Variants in DOP1B observed in about 807,000 individuals in gnomAD.
DOP1B encodes the protein DOP1 leucine zipper like protein B.
A neutral mutation model predicts 233.5 loss-of-function variants in DOP1B; 174 were observed. That is an observed-to-expected ratio of 0.75 (90% CI 0.66 to 0.85). The LOEUF is 0.85. Among genes scored for constraint, DOP1B ranks in the 40% least tolerant of loss-of-function variants. DOP1B has a pLI of 0.00. For synonymous variants in DOP1B, 1,190 were observed against 1,185.6 expected (o/e 1.00, Z -0.08); for missense variants, 2,652 against 2,846.6 (o/e 0.93, Z 1.56).
In DOP1B at chr21:36,230,841, C is replaced by G. The variant is rs755319553; in HGVS notation, c.2057C>G (p.Pro686Arg). 1 of 1,614,086 alleles carries G rather than the reference C, an allele frequency of 6.2e-7. No individual in the cohort carries two copies. Among genetic ancestry groups the G allele is most frequent in the South Asian group, 1.1e-5 (1 of 91,080 alleles). ...AGGAAGAACTCTTGGGAGCCCAAGC[C>G]CATCACTGTGCCTCAGTTCAAGCAG... ...SSRKNSWEPK[P>R]ITVPQFKQML... Residue 686 changes from proline to arginine, a missense_variant, in exon 14 of 37, where the codon CCC (proline) becomes CGC (arginine). Physicochemically the swap from Pro to Arg is moderately radical, Grantham distance 103. Around this residue, in one of 3 missense-constraint regions of DOP1B, gnomAD observed 2,617 missense variants for 2,794.3 expected, o/e 0.94. Coordinates refer to ENST00000691173, the MANE Select transcript of DOP1B (RefSeq NM_001320714.2).
chr21:36,290,250 C>T (rs1403608652), intron 35 of DOP1B, among the ~76,000 whole-genome samples: 2 of 152,228 alleles, frequency 1.3e-5, no homozygotes, highest in East Asian at 1.9e-4. Flanking sequence ...TTGGGCCGGA[C>T]GTGGTGTCTC....
At chr21:36,218,854 G>A (rs34371314) in intron 9 of DOP1B, among the ~76,000 whole-genome samples, 5,751 of 152,270 alleles carry the variant, frequency 0.038, 130 homozygotes, top group South Asian at 0.07. Flanking sequence ...CTTTCTCAGC[G>A]TTTCAGGATA....
chr21:36,213,601 G>A (rs897100622), intron 7 of DOP1B, among the ~76,000 whole-genome samples: 3 of 151,612 alleles, frequency 2.0e-5, no homozygotes, highest in Non-Finnish European at 1.5e-5. Flanking sequence ...GAGCAGCCTG[G>A]CCAACATGCT....
chr21:36,198,576 A>G (rs1160222179), intron 2 of DOP1B, among the ~76,000 whole-genome samples: 5 of 152,170 alleles, frequency 3.3e-5, no homozygotes, highest in Admixed American at 3.3e-4. Context: ...GCACTCTGGG[A>G]TGCTTTCCCG....
intron 7 of DOP1B, among the ~76,000 whole-genome samples, chr21:36,212,358 A>G (rs1236390041): frequency 6.6e-6 from 1 of 152,234 alleles, no homozygotes; most frequent in Non-Finnish European, 1.5e-5. Context: ...TAAGAGCTTG[A>G]AATACCACCA....
In DOP1B at chr21:36,202,056, G is replaced by A. The variant is rs555588867; in HGVS notation, c.491+1555G>A. On this transcript the variant is annotated intron_variant, in intron 4 of 36. Transcript: ENST00000691173. ...AAAAAAATTAGCCGGACATGGTGGT[G>A]TGCGCCTGTAATCCCAGCTACTTGG... 2.5e-4 allele frequency among the ~76,000 whole-genome samples: 38 copies of A among 152,190 alleles called. 1 individual carries two copies. The highest frequency in any genetic ancestry group is 8.9e-4 in the African/African-American group (37 of 41,526).
At chr21:36,289,388 T>G (rs3827184) in intron 35 of DOP1B, among the ~76,000 whole-genome samples, 182 bp downstream of exon 35, 68,959 of 151,554 alleles carry the variant, frequency 0.46, 16,083 homozygotes, top group African/African-American at 0.55. Flanking sequence ...GCTCTGCAAA[T>G]TTGGCTCACA....
Position 36,208,802 on chromosome 21 carries a change from G to A in DOP1B, c.579G>A (p.Pro193=), listed in dbSNP as rs138179841. The A allele has an allele frequency of 5.3e-5, 86 of 1,608,696 alleles. No homozygotes were observed. In the African/African-American group the frequency reaches 8.2e-4, roughly 15 times the overall value. ...TALWGSVLAS[P]SIRLPASVFV... is the part of the protein sequence containing the mutation. The stretch of plus-strand genomic sequence containing the variant: ...TCTGGGGGAGCGTCCTGGCCAGCCC[G>A]TCCATCCGCCTCCCTGCCTCAGTCT... The change falls in exon 5 of 37, where the codon CCG becomes CCA. Residue 193 remains proline, a synonymous_variant. Transcript: ENST00000691173.
chr21:36,189,354 A>T (rs543451334), intron 2 of DOP1B, among the ~76,000 whole-genome samples: 59 of 152,238 alleles, frequency 3.9e-4, no homozygotes, highest in Non-Finnish European at 7.2e-4. Flanking sequence ...CTTTTAGAAC[A>T]GTGTAGTTCC....
chr21:36,191,784 C>CA (rs35895174), intron 2 of DOP1B, among the ~76,000 whole-genome samples: 460 of 133,728 alleles, frequency 3.4e-3, no homozygotes, highest in Middle Eastern at 0.015. Flanking sequence ...GACTCTGTCT[C>CA]AAAAAAAAAA....
chr21:36,248,261 G>A, intron 20 of DOP1B, 119 bp from the exon 21 acceptor site: 1 of 933,026 alleles, frequency 1.1e-6, no homozygotes, highest in Non-Finnish European at 1.6e-6. Context: ...CCACATGTAT[G>A]AGTTGCTTAG....
In DOP1B at chr21:36,231,006, G is replaced by T; in HGVS notation, c.2222G>T (p.Gly741Val). 1.9e-6 allele frequency: 3 copies of T among 1,614,174 alleles called. No individual in the cohort carries two copies. The highest frequency in any genetic ancestry group is 2.5e-6 in the Non-Finnish European group (3 of 1,180,028). Reference protein sequence around the residue: ...DVEKVVIDLGGSREERREAFA... With the variant: ...DVEKVVIDLGVSREERREAFA... Reference sequence around the variant, plus strand: ...GAGAAGGTGGTCATTGACCTGGGGGGTTCCAGGGAGGAACGCAGGGAGGCC... The same window carrying T: ...GAGAAGGTGGTCATTGACCTGGGGGTTTCCAGGGAGGAACGCAGGGAGGCC... Residue 741 changes from glycine to valine, a missense_variant, in exon 14 of 37, where the codon GGT (glycine) becomes GTT (valine). Gly to Val is a moderately radical substitution (Grantham distance 109). Transcript: ENST00000691173.
intron 16 of DOP1B, among the ~76,000 whole-genome samples, chr21:36,237,918 A>G (rs2066845685): frequency 6.6e-6 from 1 of 152,206 alleles, no homozygotes; most frequent in Non-Finnish European, 1.5e-5. Context: ...CTGTAATTCC[A>G]GCACTTTGGG....
At chr21:36,264,975 G>T (rs761547083) in intron 26 of DOP1B, among the ~76,000 whole-genome samples, 2 of 152,206 alleles carry the variant, frequency 1.3e-5, no homozygotes, top group Non-Finnish European at 2.9e-5. Context: ...CATTGATTCA[G>T]TTGGCTTTTC....
intron 4 of DOP1B, among the ~76,000 whole-genome samples, chr21:36,205,944 A>T (rs910460683): frequency 1.3e-5 from 2 of 152,046 alleles, no homozygotes. Flanking sequence ...TGGGAGGCAG[A>T]GGTTGCAGTG....
Position 36,245,741 on chromosome 21 carries a change from A to G in DOP1B, c.3761A>G (p.Asn1254Ser), listed in dbSNP as rs559846721. The G allele has an allele frequency of 2.5e-6, 4 of 1,613,196 alleles. No homozygotes were observed. In the African/African-American group the frequency reaches 5.4e-5, roughly 22 times the overall value. Residue 1254 changes from asparagine (N) to serine (S), a missense_variant, in exon 19 of 37, where the codon AAC becomes AGC. This residue lies in a region of DOP1B where 2,617 missense variants were observed against 2,794.3 expected (regional missense o/e 0.94). Coordinates refer to ENST00000691173, the MANE Select transcript of DOP1B (RefSeq NM_001320714.2). This position sits in a 1 kb window ranked among gnomAD's most constrained non-coding sequence, Gnocchi z 5.5. ...GTGCTGGAGGCTGTGCTCAAAACCA[A>G]CCCTAAGGAATTCATCGAGGCTGTG... ...FSVLEAVLKT[N>S]PKEFIEAVSR...
rs949572372 is a variant in DOP1B at position 36,265,931 on chromosome 21, C to T, written c.5487+2117C>T. On this transcript the variant is annotated intron_variant, in intron 26 of 36. Coordinates refer to ENST00000691173, the MANE Select transcript of DOP1B (RefSeq NM_001320714.2). ...TCTGCAGTGGACACTAGATAGGCAC[C>T]GTCCAATTCCATTCAATTCTGGCAT... is the stretch of plus-strand genomic sequence containing the variant. Among the ~76,000 whole-genome samples the T allele has an allele frequency of 2.6e-5, 4 of 152,082 alleles. No homozygotes were observed. The East Asian group carries it at 5.8e-4, about 22-fold the overall frequency.
chr21:36,281,585 A>G lies in DOP1B; in HGVS notation c.6134A>G (p.Tyr2045Cys). The change falls in exon 32 of 37, where the codon TAC becomes TGC. Residue 2045 changes from tyrosine to cysteine, a missense_variant. Coordinates refer to ENST00000691173, the MANE Select transcript of DOP1B (RefSeq NM_001320714.2). ...FAVFSGELDQYHLYLPLIQER... is the reference protein window; with the variant it reads ...FAVFSGELDQCHLYLPLIQER... ...GTCTTCAGTGGAGAACTTGATCAAT[A>G]CCACCTTTACCTTCCACTGATACAA... 1 of 1,600,584 alleles carries G rather than the reference A, an allele frequency of 6.2e-7. No individual in the cohort carries two copies. Among genetic ancestry groups the G allele is most frequent in the South Asian group, 1.1e-5 (1 of 90,584 alleles).
chr21:36,180,881 G>C (rs1440228173), intron 2 of DOP1B, among the ~76,000 whole-genome samples: 1 of 140,300 alleles, frequency 7.1e-6, no homozygotes, highest in African/African-American at 2.6e-5. Context: ...GTGAGACTGT[G>C]TCTCAAAAAA....
Sources: allele counts gnomAD v4.1 joint callset (sites outside exome capture counted in the v4.1 genomes callset), GRCh38; gene constraint gnomAD v4.1.1; regional missense constraint gnomAD v4.1.1; non-coding constraint Gnocchi (gnomAD v3.1); transcripts MANE v1.5; gene names NCBI Gene and HGNC (gene_info 2026-07-23, HGNC 2026-07-21).